Variants in DUSP22 observed in about 807,000 individuals in gnomAD.
DUSP22 encodes dual specificity phosphatase 22.
DUSP22 carries 24 observed loss-of-function variants against 24.5 expected under a neutral mutation model. The ratio of observed to expected loss-of-function variants is 0.98; its 90% confidence interval spans 0.71 to 1.38. DUSP22 has a LOEUF of 1.38. Ranked by LOEUF, DUSP22 falls within the 40% of genes most tolerant of loss-of-function variation. The pLI is 0.00. For synonymous variants in DUSP22, 160 were observed against 106.4 expected, an observed-to-expected ratio of 1.50 and a Z score of -3.10; for missense variants, 330 against 269.2, an observed-to-expected ratio of 1.23 and a Z score of -1.58.
chr6:346,312 G>C (rs1303454455), intron 5 of DUSP22, among the ~76,000 whole-genome samples: 1 of 152,298 alleles, frequency 6.6e-6, no homozygotes, highest in African/African-American at 2.4e-5. Context: ...AGACACTGTT[G>C]TTTTTTCTTC....
At chr6:312,165 C>T (rs560442763) in intron 3 of DUSP22, among the ~76,000 whole-genome samples, 1 of 152,422 alleles carries the variant, frequency 6.6e-6, no homozygotes, top group South Asian at 2.1e-4. Context: ...TTTCTGATCA[C>T]ACTCCTGCTG....
chr6:322,831 G>GC (rs1758666785), intron 3 of DUSP22, among the ~76,000 whole-genome samples: 4 of 108,832 alleles, frequency 3.7e-5, no homozygotes, highest in Non-Finnish European at 8.2e-5. Flanking sequence ...GCTGCTTGGT[G>GC]GGGCGGGGGG....
intron 3 of DUSP22, among the ~76,000 whole-genome samples, chr6:317,706 C>G (rs969313796): frequency 2.0e-5 from 3 of 152,308 alleles, no homozygotes; most frequent in Admixed American, 1.3e-4. Context: ...CTGAGCTGGC[C>G]TGGGAGCCCA....
chr6:311,800 T>G, intron 2 of DUSP22, 80 bp from the exon 3 acceptor site: 10 of 1,436,180 alleles, frequency 7.0e-6, no homozygotes, highest in South Asian at 1.4e-5. Context: ...TTTGTGGGTT[T>G]TTTTTTTTTT....
chr6:302,756 C>G (rs1274843820), intron 1 of DUSP22, among the ~76,000 whole-genome samples: 3 of 152,300 alleles, frequency 2.0e-5, no homozygotes, highest in Non-Finnish European at 4.4e-5. Flanking sequence ...AAAAAGTGAT[C>G]CTGACACTTG....
chr6:328,843 T>G (rs1221120938), intron 3 of DUSP22, among the ~76,000 whole-genome samples: 3 of 152,308 alleles, frequency 2.0e-5, no homozygotes, highest in Non-Finnish European at 4.4e-5. Flanking sequence ...AGGTCTTGTC[T>G]GCTGGACCTT....
chr6:292,534 G>T lies in DUSP22; in HGVS notation c.-6G>T, dbSNP rs757954749. ...GCCGGGGCGCTAGCGTTCGCCTTCA[G>T]CCACCATGGGGAATGGGATGAACAA... is the stretch of plus-strand genomic sequence containing the variant. On this transcript the variant is annotated 5_prime_UTR_variant, in exon 1 of 7. Transcript: ENST00000419235. 6 of 1,605,878 alleles carry T rather than the reference G, an allele frequency of 3.7e-6. No individual in the cohort carries two copies. Among genetic ancestry groups the T allele is most frequent in the Non-Finnish European group, 5.1e-6 (6 of 1,176,228 alleles).
At chr6:346,051 C>T (rs1017405525) in intron 5 of DUSP22, 123 bp downstream of exon 5, 1 of 1,227,104 alleles carries the variant, frequency 8.1e-7, no homozygotes, top group African/African-American at 1.5e-5. Flanking sequence ...AACCCTGACT[C>T]TCAAACGCGT....
At chr6:307,666 A>G (rs1374904815) in intron 2 of DUSP22, among the ~76,000 whole-genome samples, 5 of 152,422 alleles carry the variant, frequency 3.3e-5, no homozygotes, top group Middle Eastern at 3.4e-3. Context: ...ACAACTTGGC[A>G]CCAGCGACAG....
chr6:348,825 AGCC>A lies in DUSP22; in HGVS notation c.493_495del (p.Ala165del). ...AGAGCCCTTTGCAGGATGCAGAAGA[AGCC>A]AAAAACATTCTGGGTAAATATAAGG... On this transcript the variant is annotated inframe_deletion, in exon 7 of 7. Transcript: ENST00000419235. 6.2e-7 allele frequency: 1 copy of A among 1,614,322 alleles called. No homozygotes were observed. The highest frequency in any genetic ancestry group is 8.5e-7 in the Non-Finnish European group (1 of 1,180,062).
At chr6:323,461 G>A (rs1758703945) in intron 3 of DUSP22, among the ~76,000 whole-genome samples, 1 of 152,302 alleles carries the variant, frequency 6.6e-6, no homozygotes, top group African/African-American at 2.4e-5. Context: ...GAACGAAGTA[G>A]GTGCATCTGA....
chr6:319,642 T>C (rs1023812382), intron 3 of DUSP22, among the ~76,000 whole-genome samples: 1 of 152,306 alleles, frequency 6.6e-6, no homozygotes, highest in Non-Finnish European at 1.5e-5. Flanking sequence ...CCAGCGTGGG[T>C]GAATTCAGCT....
At position 350,493 on chromosome 6, in the gene DUSP22, C is replaced by T; in HGVS notation, c.*1542C>T. 8.2e-7 allele frequency: 1 copy of T among 1,214,482 alleles called. No individual in the cohort carries two copies. Among genetic ancestry groups the T allele is most frequent in the South Asian group, 2.1e-5 (1 of 46,842 alleles). The allele number at this position is 1,214,482 out of a possible 1,614,324, so 75.2% of individuals were successfully genotyped here. On this transcript the variant is annotated 3_prime_UTR_variant, in exon 7 of 7. Transcript: ENST00000419235. ...GACCCTGAATAAGAAGAGCAGTTTT[C>T]CTGTGCATATAGAGGGTGTGTCAAA...
intron 1 of DUSP22, among the ~76,000 whole-genome samples, chr6:295,241 G>A (rs6901078): frequency 0.025 from 3,767 of 151,212 alleles, 7 homozygotes; most frequent in African/African-American, 0.087. Context: ...TTCCAATCTC[G>A]TACACATTGG....
At chr6:324,471 CAG>C (rs1454499418) in intron 3 of DUSP22, among the ~76,000 whole-genome samples, 2 of 152,304 alleles carry the variant, frequency 1.3e-5, no homozygotes, top group Non-Finnish European at 2.9e-5. Context: ...TGCTGCATAA[CAG>C]AGGGGTGTCC....
chr6:325,968 TG>T (rs1247935002), intron 3 of DUSP22: 5 of 218,266 alleles, frequency 2.3e-5, no homozygotes, highest in Admixed American at 1.3e-4. Context: ...TTCTGCGTCC[TG>T]GTGTGTGCAA....
intron 4 of DUSP22, among the ~76,000 whole-genome samples, chr6:339,222 G>A (rs1468997099): frequency 6.6e-6 from 1 of 152,274 alleles, no homozygotes; most frequent in East Asian, 1.9e-4. Context: ...GTGAATTAAG[G>A]GCTTTGGAAA....
chr6:305,816 T>C (rs111904686), intron 2 of DUSP22, among the ~76,000 whole-genome samples: 4,929 of 150,440 alleles, frequency 0.033, no homozygotes, highest in African/African-American at 0.11. Flanking sequence ...GACCATGTCA[T>C]AGGCAGCTAA....
At chr6:345,140 C>T (rs1486293153) in intron 4 of DUSP22, among the ~76,000 whole-genome samples, 1 of 152,302 alleles carries the variant, frequency 6.6e-6, no homozygotes, top group Non-Finnish European at 1.5e-5. Flanking sequence ...CAGCTCCAGC[C>T]ACAGACAGTA....
Sources: gnomAD v4.1 joint callset for allele counts (sites outside exome capture counted in the v4.1 genomes callset) on GRCh38, gnomAD v4.1.1 for gene constraint, MANE v1.5 for transcripts, NCBI Gene and HGNC (gene_info 2026-07-23, HGNC 2026-07-21) for gene names.